The following CLNK variants were observed in gnomAD, a reference collection of about 807,000 sequenced individuals.
CLNK encodes cytokine-dependent hematopoietic cell linker.
In CLNK, 74 loss-of-function variants were observed where a neutral mutation model predicts 68.6. The ratio of observed to expected loss-of-function variants is 1.08; its 90% CI spans 0.89 to 1.31. The LOEUF (loss-of-function observed/expected upper bound fraction) is 1.31, where lower values mean the gene tolerates loss of function less well. Among genes scored for constraint, CLNK ranks in the 50% most tolerant of loss-of-function variants. The pLI is 0.00. For missense variants in CLNK, 553 were observed against 515.3 expected (o/e 1.07, Z -0.71); for synonymous variants, 198 against 172.2 (o/e 1.15, Z -1.17).
At chr4:10,591,153 CG>C (rs999931628) in intron 3 of CLNK, among the ~76,000 whole-genome samples, 43 of 152,148 alleles carry the variant, frequency 2.8e-4, no homozygotes, top group Middle Eastern at 3.4e-3. Flanking sequence ...TCCTAGAGGT[CG>C]TGTGGAGGTT....
At chr4:10,633,100 G>C (rs1471609034) in intron 2 of CLNK, among the ~76,000 whole-genome samples, 1 of 152,106 alleles carries the variant, frequency 6.6e-6, no homozygotes, top group African/African-American at 2.4e-5. Flanking sequence ...ACCACACTAG[G>C]CTAATTTTTG....
the CLNK span, among the ~76,000 whole-genome samples, chr4:10,703,149 G>C: frequency 6.6e-6 from 1 of 152,204 alleles, no homozygotes; most frequent in Non-Finnish European, 1.5e-5. Flanking sequence ...TTGTGGGATT[G>C]TTAGTGATAA....
rs1724504731 is a variant in CLNK, at chr4:10,668,644, T to C, written c.-42-733A>G. ...CAGAAGACAGTGAAGTATCTGGGAG[T>C]GGTAACAAAAGGGCGCTGTCACATG... On this transcript the variant is annotated intron_variant, in intron 1 of 18. Transcript: ENST00000226951. Among the ~76,000 whole-genome samples, 4 of 151,514 alleles carry C rather than the reference T, an allele frequency of 2.6e-5. No homozygotes were observed. The South Asian group carries it at 8.4e-4, about 32-fold the overall frequency.
Position 10,486,801 on chromosome 4 carries a change from G to T in CLNK, c.*3666C>A, listed in dbSNP as rs1692855080. The T allele has an allele frequency of 6.6e-6, 1 of 152,130 alleles. No homozygotes were observed. Among genetic ancestry groups the T allele is most frequent in the African/African-American group, 2.4e-5 (1 of 41,434 alleles). The allele number at this position is 152,130 out of a possible 1,614,324, so 9.4% of individuals were successfully genotyped here. On this transcript the variant is annotated 3_prime_UTR_variant, in exon 19 of 19. Transcript: ENST00000226951. Reference sequence around the variant, plus strand: ...AGCTTCCTCAAAACATTTAATGTTGGCATCACCCCACAAGTACTCAGAAAT... The same window carrying T: ...AGCTTCCTCAAAACATTTAATGTTGTCATCACCCCACAAGTACTCAGAAAT...
chr4:10,512,578 T>C (rs1717638757), intron 16 of CLNK, among the ~76,000 whole-genome samples: 1 of 152,024 alleles, frequency 6.6e-6, no homozygotes. Context: ...TATGAGACCC[T>C]TTTAGAATTA....
At chr4:10,606,546 C>A (rs561657518) in intron 2 of CLNK, among the ~76,000 whole-genome samples, 1 of 152,044 alleles carries the variant, frequency 6.6e-6, no homozygotes, top group African/African-American at 2.4e-5. Context: ...GTATTGTGTA[C>A]TTTACGTAAT....
intron 1 of CLNK, among the ~76,000 whole-genome samples, chr4:10,671,970 C>T (rs1724662898): frequency 6.6e-6 from 1 of 152,152 alleles, no homozygotes; most frequent in African/African-American, 2.4e-5. Flanking sequence ...CGCTTTGTCT[C>T]TTCTTATCAG....
chr4:10,604,669 T>G (rs1293185309), intron 2 of CLNK, among the ~76,000 whole-genome samples: 2 of 151,944 alleles, frequency 1.3e-5, no homozygotes, highest in East Asian at 3.8e-4. Context: ...CCCTATTATC[T>G]CACATTTTTA....
the CLNK span, among the ~76,000 whole-genome samples, chr4:10,703,056 G>A: frequency 4.6e-5 from 7 of 152,278 alleles, no homozygotes; most frequent in East Asian, 3.9e-4. Context: ...AGCATTCAGC[G>A]CAGAGGACAA....
At chr4:10,654,775 T>C (rs1030874001) in intron 2 of CLNK, among the ~76,000 whole-genome samples, 1 of 152,064 alleles carries the variant, frequency 6.6e-6, no homozygotes, top group Non-Finnish European at 1.5e-5. Flanking sequence ...TATCTTAGCA[T>C]TTACAATATC....
At chr4:10,512,287 G>A (rs547499916) in intron 16 of CLNK, among the ~76,000 whole-genome samples, 22 of 151,622 alleles carry the variant, frequency 1.5e-4, no homozygotes, top group African/African-American at 5.3e-4. Flanking sequence ...CTGGAGTGCA[G>A]TAGTGAGATC....
At chr4:10,612,931 C>A (rs892098060) in intron 2 of CLNK, among the ~76,000 whole-genome samples, 2 of 152,280 alleles carry the variant, frequency 1.3e-5, no homozygotes, top group Middle Eastern at 3.4e-3. Context: ...TGCTTACAAC[C>A]ATGCTTGGAA....
intron 2 of CLNK, among the ~76,000 whole-genome samples, chr4:10,600,042 G>A (rs1013784448): frequency 7.2e-5 from 11 of 152,136 alleles, no homozygotes; most frequent in East Asian, 5.8e-4. Flanking sequence ...TGATAGCTAA[G>A]TTTCCTGCCC....
intron 15 of CLNK, among the ~76,000 whole-genome samples, chr4:10,516,844 C>A (rs971737763): frequency 1.3e-5 from 2 of 152,160 alleles, no homozygotes; most frequent in Non-Finnish European, 2.9e-5. Context: ...AGCCACCACG[C>A]CTGGCCAGGA....
At chr4:10,677,687 T>G (rs1003891138) in intron 1 of CLNK, among the ~76,000 whole-genome samples, 6 of 152,076 alleles carry the variant, frequency 3.9e-5, no homozygotes, top group African/African-American at 1.2e-4. Context: ...GTGGAGAAGG[T>G]GGCTGCTTCC....
chr4:10,579,323 T>C (rs1311248246), intron 4 of CLNK, among the ~76,000 whole-genome samples: 1 of 152,066 alleles, frequency 6.6e-6, no homozygotes, highest in Non-Finnish European at 1.5e-5. Context: ...TAAAGTATTA[T>C]GAGAGTAAAT....
intron 2 of CLNK, among the ~76,000 whole-genome samples, chr4:10,660,108 T>C (rs1724134825): frequency 1.3e-5 from 2 of 152,252 alleles, no homozygotes; most frequent in South Asian, 4.1e-4. Context: ...TAAACTATCA[T>C]CATGGATCAG....
At chr4:10,564,594 C>T (rs568723468) in intron 7 of CLNK, 77 bp downstream of exon 7, 5 of 979,166 alleles carry the variant, frequency 5.1e-6, no homozygotes, top group Middle Eastern at 2.1e-4. Flanking sequence ...GCCTGGGGGA[C>T]AGGAGATGGG....
intron 11 of CLNK, among the ~76,000 whole-genome samples, chr4:10,532,650 A>G (rs1238873323): frequency 2.0e-5 from 3 of 152,180 alleles, no homozygotes; most frequent in Non-Finnish European, 4.4e-5. Context: ...TTAGTTTTTC[A>G]CTTTGAGGGA....
Sources: allele counts gnomAD v4.1 joint callset (sites outside exome capture counted in the v4.1 genomes callset), GRCh38; gene constraint gnomAD v4.1.1; transcripts MANE v1.5; gene names NCBI Gene and HGNC (gene_info 2026-07-23, HGNC 2026-07-21).